Variants in PTCH2 observed in about 807,000 individuals in gnomAD.
The protein encoded by PTCH2 is patched 2.
In PTCH2, 96 loss-of-function variants were observed where a neutral mutation model predicts 117.9. That is an observed-to-expected ratio of 0.81 (90% CI 0.69 to 0.96). The LOEUF (loss-of-function observed/expected upper bound fraction) is 0.96, where lower values mean the gene tolerates loss of function less well. Among genes scored for constraint, PTCH2 ranks in the 50% least tolerant of loss-of-function variants. The pLI is 0.00. For missense variants in PTCH2, 1,379 were observed against 1,562.5 expected (o/e 0.88, Z 1.98); for synonymous variants, 615 against 660.9 (o/e 0.93, Z 1.06).
rs577349381 is a variant in PTCH2 at position 44,823,723 on chromosome 1, G to A, written c.3115-338C>T. ...GGAGGCTGAGGTGGGTGGATCACCT[G>A]AGGTTGGGAGTTCCAGACCAGCCTG... is the stretch of plus-strand genomic sequence containing the variant. On this transcript the variant is annotated intron_variant, in intron 19 of 21. Transcript: ENST00000372192. The surrounding 1 kb of genome is among the most constrained non-coding windows in gnomAD (Gnocchi z 5.1). Among the ~76,000 whole-genome samples, 1 of 152,234 alleles carries A rather than the reference G, an allele frequency of 6.6e-6. No individual in the cohort carries two copies. The highest frequency in any genetic ancestry group is 6.5e-5 in the Admixed American group (1 of 15,282).
rs745648260 is a variant in PTCH2 at position 44,823,187 on chromosome 1, G to T, written c.3258-19C>A. On this transcript the variant is annotated intron_variant, in intron 20 of 21. Transcript: ENST00000372192. This position sits in a 1 kb window ranked among gnomAD's most constrained non-coding sequence, Gnocchi z 5.1. ...GAAGTACCTAGGGGTAGGGTGTGGGGGGAGTCAGCCCAGGCCTGTCCTGAG... is the reference window on the plus strand; with the variant it reads ...GAAGTACCTAGGGGTAGGGTGTGGGTGGAGTCAGCCCAGGCCTGTCCTGAG... 8.7e-6 allele frequency: 14 copies of T among 1,614,114 alleles called. No homozygotes were observed. In the Middle Eastern group the frequency reaches 9.9e-4, roughly 114 times the overall value.
chr1:44,820,280 C>T, downstream of PTCH2: 1 of 460,198 alleles, frequency 2.2e-6, no homozygotes, highest in South Asian at 1.6e-5. Flanking sequence ...CTTTGCTCTC[C>T]TATGCTCCTC....
At chr1:44,835,634 G>A (rs958689347) in intron 2 of PTCH2, among the ~76,000 whole-genome samples, 6 of 152,096 alleles carry the variant, frequency 3.9e-5, no homozygotes, top group Non-Finnish European at 8.8e-5. Flanking sequence ...ACGTGTAAAG[G>A]CCTATATACT....
Position 44,831,624 on chromosome 1 carries a change from C to T in PTCH2, c.617+82G>A. The T allele has an allele frequency of 7.3e-7, 1 of 1,368,530 alleles. No homozygotes were observed. The highest frequency in any genetic ancestry group is 1.4e-5 in the African/African-American group (1 of 69,214). 84.8% of individuals were successfully genotyped at this position (1,368,530 alleles called of 1,614,324 possible). A position where few individuals can be genotyped will look rare whatever the true frequency, so the allele number is the denominator to read the frequency against. On this transcript the variant is annotated intron_variant, in intron 5 of 21. Transcript: ENST00000372192. This position sits in a 1 kb window ranked among gnomAD's most constrained non-coding sequence, Gnocchi z 4.3. ...ATTAGGACCTTGGTAAGGTTTTGAT[C>T]ATCCTCATTCCCCAGACCCCTCCTT...
rs372865581 is a variant in PTCH2, at chr1:44,822,523, G to A, written c.3504C>T (p.Pro1168=). Reference sequence around the variant, plus strand: ...CTGGATGGATGTAGGCACCAGGCAGGGGGGGTGGGTGGATGGCCACGGTCA... The same window carrying A: ...CTGGATGGATGTAGGCACCAGGCAGAGGGGGTGGGTGGATGGCCACGGTCA... The part of the protein sequence containing the change: ...TSMTVAIHPP[P]LPGAYIHPAP... The change falls in exon 22 of 22, where the codon CCC becomes CCT. Residue 1168 remains proline (P), a synonymous_variant. Transcript: ENST00000372192. 3.1e-6 allele frequency: 5 copies of A among 1,614,030 alleles called. No individual in the cohort carries two copies. Among genetic ancestry groups the A allele is most frequent in the Non-Finnish European group, 4.2e-6 (5 of 1,179,954 alleles).
rs776600248 is a variant in PTCH2, at chr1:44,822,609, C to T, written c.3418G>A (p.Gly1140Arg). Reference protein sequence around the residue: ...ILSPPAPQGGGLRWGASSSLP... With the variant: ...ILSPPAPQGGRLRWGASSSLP... Reference sequence around the variant, plus strand: ...GAGGAGGATGCCCCCCACCTAAGCCCGCCTCCCTGTGGAGCTGGTGGACTC... The same window carrying T: ...GAGGAGGATGCCCCCCACCTAAGCCTGCCTCCCTGTGGAGCTGGTGGACTC... Residue 1140 changes from glycine to arginine, a missense_variant, in exon 22 of 22, where the codon GGG becomes AGG. Coordinates refer to ENST00000372192, the MANE Select transcript of PTCH2 (RefSeq NM_003738.5). 20 of 1,613,908 alleles carry T rather than the reference C, an allele frequency of 1.2e-5. No homozygotes were observed. Among genetic ancestry groups the T allele is most frequent in the African/African-American group, 8.0e-5 (6 of 74,878 alleles).
chr1:44,829,013 A>G lies in PTCH2; in HGVS notation c.1433T>C (p.Phe478Ser). 1 of 1,572,392 alleles carries G rather than the reference A, an allele frequency of 6.4e-7. No individual in the cohort carries two copies. Among genetic ancestry groups the G allele is most frequent in the Middle Eastern group, 1.7e-4 (1 of 5,996 alleles). ...AGGGGTGCCAGGCAGAGCCTCTGTG[A>G]AGGCATGCGCCAGCAGGAATACGTC... ...VDDVFLLAHA[F>S]TEALPGTPLQ... Residue 478 changes from phenylalanine (F) to serine (S), a missense_variant, in exon 11 of 22, where the codon TTC becomes TCC. By Grantham distance (155) the Phe-to-Ser change is radical (BLOSUM62 -2). Coordinates refer to ENST00000372192, the MANE Select transcript of PTCH2 (RefSeq NM_003738.5).
In PTCH2 at chr1:44,823,368, C is replaced by CA; in HGVS notation, c.3131_3132insT (p.Gln1044HisfsTer13). 6.2e-7 allele frequency: 1 copy of CA among 1,614,220 alleles called. No individual in the cohort carries two copies. Among genetic ancestry groups the CA allele is most frequent in the African/African-American group, 1.3e-5 (1 of 75,064 alleles). ...GGGCGGCCCGCAGGTTCCGGCTGCC[C>CA]TGGGTGGTCAGGAAGCCCTAGGAAA... On this transcript the variant is annotated frameshift_variant, in exon 20 of 22. Coordinates refer to ENST00000372192, the MANE Select transcript of PTCH2 (RefSeq NM_003738.5). LOFTEE classifies it high-confidence loss of function. The surrounding 1 kb of genome is among the most constrained non-coding windows in gnomAD (Gnocchi z 5.1).
chr1:44,835,991 TAAG>T (rs1311371746), intron 2 of PTCH2, among the ~76,000 whole-genome samples: 1 of 152,142 alleles, frequency 6.6e-6, no homozygotes, highest in Admixed American at 6.6e-5. Context: ...GGAAGGGCAC[TAAG>T]AAGGGGACTG....
rs2148874249 is a variant in PTCH2, at chr1:44,826,687, G to A, written c.2777C>T (p.Ala926Val). The A allele has an allele frequency of 6.2e-7, 1 of 1,607,316 alleles. No individual in the cohort carries two copies. The highest frequency in any genetic ancestry group is 8.5e-7 in the Non-Finnish European group (1 of 1,176,344). The change falls in exon 18 of 22, where the codon GCC becomes GTC. Residue 926 changes from alanine to valine, a missense_variant. Transcript: ENST00000372192. The surrounding 1 kb of genome is among the most constrained non-coding windows in gnomAD (Gnocchi z 5.1). ...GCATGCTGCCCGGGCCCCCTCGATG[G>A]CCTCCACAAAGTCTGCAGTCTTCTG... ...GLQKTADFVE[A>V]IEGARAACAE...
Position 44,826,642 on chromosome 1 carries a change from C to T in PTCH2, c.2822G>A (p.Gly941Glu), listed in dbSNP as rs1236321281. 1.2e-6 allele frequency: 2 copies of T among 1,612,370 alleles called. No homozygotes were observed. Among genetic ancestry groups the T allele is most frequent in the Non-Finnish European group, 1.7e-6 (2 of 1,179,570 alleles). The change falls in exon 18 of 22, where the codon GGG becomes GAG. Residue 941 changes from glycine to glutamate, a missense_variant. By Grantham distance (98) the Gly-to-Glu change is moderately conservative. Coordinates refer to ENST00000372192, the MANE Select transcript of PTCH2 (RefSeq NM_003738.5). The surrounding 1 kb of genome is among the most constrained non-coding windows in gnomAD (Gnocchi z 5.1). ...GGAGCCGCTGGGGTAGGCGTGCACCCCAGCCTGGCCGGCCTCTGCGCATGC... is the reference window on the plus strand; with the variant it reads ...GGAGCCGCTGGGGTAGGCGTGCACCTCAGCCTGGCCGGCCTCTGCGCATGC... ...RAACAEAGQA[G>E]VHAYPSGSPF...
rs2148871908 is a variant in PTCH2, at chr1:44,823,255, T to A, written c.3245A>T (p.Asp1082Val). ...GAGCCCTCCCTACCTTACAATGAAG[T>A]CAAAGTGGGAACCAGCAAGCATGAG... ...GLLMLAGSHF[D>V]FIVRYFFAAL... Residue 1082 changes from aspartate to valine, a missense_variant, in exon 20 of 22, where the codon GAC becomes GTC. Asp to Val is a radical substitution (Grantham distance 152). Coordinates refer to ENST00000372192, the MANE Select transcript of PTCH2 (RefSeq NM_003738.5). The surrounding 1 kb of genome is among the most constrained non-coding windows in gnomAD (Gnocchi z 5.1). 1 of 1,613,984 alleles carries A rather than the reference T, an allele frequency of 6.2e-7. No individual in the cohort carries two copies. Among genetic ancestry groups the A allele is most frequent in the Non-Finnish European group, 8.5e-7 (1 of 1,179,972 alleles).
intron 9 of PTCH2, 40 bp from the exon 10 acceptor site, chr1:44,829,352 G>A: frequency 6.2e-7 from 1 of 1,613,944 alleles, no homozygotes; most frequent in Non-Finnish European, 8.5e-7. Flanking sequence ...TCCCAGGGTG[G>A]GCACTGGTTG....
At chr1:44,828,911 C>T in intron 11 of PTCH2, 71 bp downstream of exon 11, 1 of 1,486,416 alleles carries the variant, frequency 6.7e-7, no homozygotes, top group Non-Finnish European at 9.2e-7. Flanking sequence ...AGCCCAAGGT[C>T]ACTTGAACCA....
chr1:44,839,361 CAAA>C (rs57053705), intron 2 of PTCH2, among the ~76,000 whole-genome samples: 5 of 75,656 alleles, frequency 6.6e-5, no homozygotes, highest in Non-Finnish European at 1.3e-4. Flanking sequence ...GACTTACTCT[CAAA>C]AAAAAAAAAA....
At chr1:44,840,733 A>G (rs1460845577) in intron 2 of PTCH2, among the ~76,000 whole-genome samples, 1 of 151,930 alleles carries the variant, frequency 6.6e-6, no homozygotes, top group African/African-American at 2.4e-5. Flanking sequence ...CAAAAAACCA[A>G]AAACCCAAAA....
At chr1:44,833,316 G>A (rs536177831) in intron 2 of PTCH2, among the ~76,000 whole-genome samples, 8 of 152,242 alleles carry the variant, frequency 5.3e-5, no homozygotes, top group South Asian at 2.1e-4. Flanking sequence ...CAGACCCTGC[G>A]CTGTTTCCAC....
intron 2 of PTCH2, among the ~76,000 whole-genome samples, chr1:44,838,831 T>G (rs1653802282): frequency 6.6e-6 from 1 of 152,096 alleles, no homozygotes; most frequent in Non-Finnish European, 1.5e-5. Flanking sequence ...GCGATTCTCC[T>G]GCCTCAGCCT....
chr1:44,829,287 A>C lies in PTCH2; in HGVS notation c.1241T>G (p.Leu414Arg). 1.2e-6 allele frequency: 2 copies of C among 1,613,634 alleles called. No homozygotes were observed. The highest frequency in any genetic ancestry group is 1.7e-6 in the Non-Finnish European group (2 of 1,179,974). Residue 414 changes from leucine to arginine, a missense_variant, in exon 10 of 22, where the codon CTG becomes CGG. Leu to Arg is a moderately radical substitution (Grantham distance 102). Coordinates refer to ENST00000372192, the MANE Select transcript of PTCH2 (RefSeq NM_003738.5). ...LMLAYACVTMLRWDCAQSQGS... is the reference protein window; with the variant it reads ...LMLAYACVTMRRWDCAQSQGS... ...CTGGGACTGGGCGCAGTCCCACCGCAGCATGGTCACACAGGCATAGGCCAG... is the reference window on the plus strand; with the variant it reads ...CTGGGACTGGGCGCAGTCCCACCGCCGCATGGTCACACAGGCATAGGCCAG...
Sources: gnomAD v4.1 joint callset for allele counts (sites outside exome capture counted in the v4.1 genomes callset) on GRCh38, gnomAD v4.1.1 for gene constraint, Gnocchi (gnomAD v3.1) non-coding constraint, MANE v1.5 for transcripts, NCBI Gene and HGNC (gene_info 2026-07-23, HGNC 2026-07-21) for gene names.